The following ANKHD1 variants were observed in gnomAD, a reference collection of about 807,000 sequenced individuals.
ANKHD1 encodes ankyrin repeat and KH domain-containing protein 1.
Under a neutral mutation model 230.5 loss-of-function variants are expected in ANKHD1, and 31 were observed. That is an observed-to-expected ratio of 0.13 (90% CI 0.10 to 0.18). The LOEUF (loss-of-function observed/expected upper bound fraction) is 0.18, where lower values mean the gene tolerates loss of function less well. ANKHD1 is among the 10% of genes least tolerant of loss of function. The pLI, the probability that ANKHD1 is intolerant of heterozygous loss-of-function variation, is 1.00. For missense variants in ANKHD1, 2,256 were observed against 3,071.3 expected (o/e 0.73, Z 6.27); for synonymous variants, 1,074 against 1,117.6 (o/e 0.96, Z 0.78).
At position 140,458,782 on chromosome 5, in the gene ANKHD1, T is replaced by A; in HGVS notation, c.1400T>A (p.Val467Asp). Residue 467 changes from valine (V) to aspartate (D), a missense_variant, in exon 8 of 34, where the codon GTT becomes GAT. Physicochemically the swap from Val to Asp is radical, Grantham distance 152. This residue lies in a region of ANKHD1 where 179 missense variants were observed against 261.8 expected (regional missense o/e 0.68). Transcript: ENST00000360839. ...LIERGANLEE[V>D]NDEGYTPLME... ...GAAAGGGGAGCAAATCTTGAAGAAG[T>A]TAATGATGAAGGATACACTCCCTTG... 6.2e-7 allele frequency: 1 copy of A among 1,612,804 alleles called. No homozygotes were observed. Among genetic ancestry groups the A allele is most frequent in the Non-Finnish European group, 8.5e-7 (1 of 1,179,654 alleles).
In ANKHD1 at chr5:140,529,540, G is replaced by C. The variant is rs1753726300; in HGVS notation, c.6594G>C (p.Lys2198Asn). 1 of 1,614,054 alleles carries C rather than the reference G, an allele frequency of 6.2e-7. No individual in the cohort carries two copies. Among genetic ancestry groups the C allele is most frequent in the Non-Finnish European group, 8.5e-7 (1 of 1,180,040 alleles). Reference sequence around the variant, plus strand: ...AGATGCACATAAACCCAGCAAATAAGTCTTTGCCACCTACATTTGGCCCAG... The same window carrying C: ...AGATGCACATAAACCCAGCAAATAACTCTTTGCCACCTACATTTGGCCCAG... ...GSQMHINPAN[K>N]SLPPTFGPAT... is the part of the protein sequence containing the mutation. The change falls in exon 29 of 34, where the codon AAG becomes AAC. Residue 2198 changes from lysine to asparagine, a missense_variant. By Grantham distance (94) the Lys-to-Asn change is moderately conservative. This residue lies in a region of ANKHD1 where 778 missense variants were observed against 966.5 expected (regional missense o/e 0.80). Transcript: ENST00000360839.
In ANKHD1 at chr5:140,506,681, T is replaced by C. The variant is rs1439309888; in HGVS notation, c.3409-154T>C. On this transcript the variant is annotated intron_variant, in intron 18 of 33. Coordinates refer to ENST00000360839, the MANE Select transcript of ANKHD1 (RefSeq NM_017747.3). The surrounding 1 kb of genome is among the most constrained non-coding windows in gnomAD (Gnocchi z 4.7). ...CCTGAAATTGAATCCATTTCTCTAGTGTTGATATTTCAATATTTAGGGTCT... is the reference window on the plus strand; with the variant it reads ...CCTGAAATTGAATCCATTTCTCTAGCGTTGATATTTCAATATTTAGGGTCT... Among the ~76,000 whole-genome samples the C allele has an allele frequency of 2.0e-5, 3 of 152,212 alleles. No individual in the cohort carries two copies. Among genetic ancestry groups the C allele is most frequent in the Non-Finnish European group, 2.9e-5 (2 of 68,036 alleles).
intron 1 of ANKHD1, among the ~76,000 whole-genome samples, chr5:140,407,210 G>T (rs1770535266): frequency 6.8e-6 from 1 of 146,188 alleles, no homozygotes; most frequent in Non-Finnish European, 1.5e-5. Context: ...CAGGAGAATT[G>T]CTTGAACCTG....
chr5:140,487,755 A>T (rs1322871382), intron 14 of ANKHD1, among the ~76,000 whole-genome samples: 1 of 152,216 alleles, frequency 6.6e-6, no homozygotes, highest in East Asian at 1.9e-4. Context: ...AAATAAAGAA[A>T]ATAGTTAATA....
intron 30 of ANKHD1, chr5:140,537,002 C>T (rs528976885): frequency 6.8e-6 from 1 of 146,638 alleles, no homozygotes; most frequent in African/African-American, 2.6e-5. Context: ...GCCTGGGCAA[C>T]AAGAGCGGAA....
chr5:140,436,241 A>G lies in ANKHD1; in HGVS notation c.444A>G (p.Ala148=), dbSNP rs765408764. ...VDPETQARLE[A]LLEAAGIGKL... ...CAGAGACACAGGCACGACTAGAAGC[A>G]TTGCTAGAAGCAGCAGGTACTTTAT... Residue 148 remains alanine (A), a synonymous_variant, in exon 2 of 34, where the codon GCA becomes GCG. Coordinates refer to ENST00000360839, the MANE Select transcript of ANKHD1 (RefSeq NM_017747.3). 14 of 1,576,426 alleles carry G rather than the reference A, an allele frequency of 8.9e-6. No individual in the cohort carries two copies. In the Admixed American group the frequency reaches 1.4e-4, roughly 15 times the overall value.
intron 13 of ANKHD1, 71 bp from the exon 14 acceptor site, chr5:140,486,887 A>C: frequency 2.8e-4 from 366 of 1,328,454 alleles, no homozygotes; most frequent in Non-Finnish European, 3.4e-4. Flanking sequence ...AAAACAGGAT[A>C]TCTGTTTCAT....
chr5:140,448,870 G>C (rs1243059120), intron 6 of ANKHD1, among the ~76,000 whole-genome samples: 1 of 152,128 alleles, frequency 6.6e-6, no homozygotes, highest in Non-Finnish European at 1.5e-5. Context: ...TGGAATATAT[G>C]ATGCCAAGAT....
At chr5:140,447,072 C>G (rs1774339974) in intron 6 of ANKHD1, among the ~76,000 whole-genome samples, 1 of 151,966 alleles carries the variant, frequency 6.6e-6, no homozygotes, top group South Asian at 2.1e-4. Flanking sequence ...ACATGTCTGG[C>G]TAATTTTTGT....
Position 140,527,529 on chromosome 5 carries a change from CATT to C in ANKHD1, c.5088-340_5088-338del, listed in dbSNP as rs1440792844. 1 of 208,678 alleles carries C rather than the reference CATT, an allele frequency of 4.8e-6. No homozygotes were observed. The highest frequency in any genetic ancestry group is 5.5e-5 in the Admixed American group (1 of 18,250). The allele number at this position is 208,678 out of a possible 1,614,324, so 12.9% of individuals were successfully genotyped here. A position where few individuals can be genotyped will look rare whatever the true frequency, so the allele number is the denominator to read the frequency against. On this transcript the variant is annotated intron_variant, in intron 27 of 33. Coordinates refer to ENST00000360839, the MANE Select transcript of ANKHD1 (RefSeq NM_017747.3). This position sits in a 1 kb window ranked among gnomAD's most constrained non-coding sequence, Gnocchi z 4.5. ...GTGTGGATTTTAATAATATGGTATTCATTATTTTAACAGGGTCATTGCAGTTTA... is the reference window on the plus strand; with the variant it reads ...GTGTGGATTTTAATAATATGGTATTCATTTTAACAGGGTCATTGCAGTTTA...
intron 14 of ANKHD1, 44 bp downstream of exon 14, chr5:140,487,104 C>T (rs1433457754): frequency 6.4e-7 from 1 of 1,568,948 alleles, no homozygotes; most frequent in Non-Finnish European, 8.7e-7. Flanking sequence ...ATTTTTTCAC[C>T]TAATTGATAA....
At chr5:140,427,046 G>A (rs1473255235) in intron 1 of ANKHD1, among the ~76,000 whole-genome samples, 3 of 152,202 alleles carry the variant, frequency 2.0e-5, no homozygotes, top group South Asian at 2.1e-4. Context: ...CCTCCCAGAC[G>A]GGGTGGTGGC....
Position 140,401,914 on chromosome 5 carries a change from C to T in ANKHD1, c.-54C>T, listed in dbSNP as rs1307860849. 3.3e-6 allele frequency: 5 copies of T among 1,519,302 alleles called. No individual in the cohort carries two copies. The highest frequency in any genetic ancestry group is 2.6e-5 in the South Asian group (2 of 77,568). The allele number at this position is 1,519,302 out of a possible 1,614,324, so 94.1% of individuals were successfully genotyped here. The stretch of plus-strand genomic sequence containing the variant: ...CTGCTCTTCTCGTTCCCGAGATCAG[C>T]GGCGGCGGTGACCGCGAGTGGGTCG... On this transcript the variant is annotated 5_prime_UTR_variant, in exon 1 of 34. Coordinates refer to ENST00000360839, the MANE Select transcript of ANKHD1 (RefSeq NM_017747.3).
intron 1 of ANKHD1, among the ~76,000 whole-genome samples, chr5:140,415,168 G>A (rs1771260649): frequency 6.6e-6 from 1 of 151,882 alleles, no homozygotes; most frequent in African/African-American, 2.4e-5. Flanking sequence ...CCGATCACAA[G>A]GTCAGGAGTT....
At chr5:140,461,344 C>T (rs936159359) in intron 9 of ANKHD1, among the ~76,000 whole-genome samples, 1 of 152,240 alleles carries the variant, frequency 6.6e-6, no homozygotes, top group Middle Eastern at 3.4e-3. Context: ...GTATGTAGCT[C>T]GTAGAAACTA....
In ANKHD1 at chr5:140,528,733, T is replaced by C. The variant is rs771685576; in HGVS notation, c.5787T>C (p.Ala1929=). ...TACCCTCAGAGTCTGCTGGACTAGC[T>C]ACTGCCAGTTGTCCTATCACTGTCT... ...TVLPSESAGL[A]TASCPITVSS... The change falls in exon 29 of 34, where the codon GCT becomes GCC. Residue 1929 remains alanine (A), a synonymous_variant. Coordinates refer to ENST00000360839, the MANE Select transcript of ANKHD1 (RefSeq NM_017747.3). The C allele has an allele frequency of 6.2e-7, 1 of 1,614,236 alleles. No homozygotes were observed. The highest frequency in any genetic ancestry group is 1.1e-5 in the South Asian group (1 of 91,086).
intron 1 of ANKHD1, among the ~76,000 whole-genome samples, chr5:140,427,263 C>T (rs1376099856): frequency 4.9e-5 from 7 of 142,638 alleles, no homozygotes; most frequent in Non-Finnish European, 3.1e-5. Flanking sequence ...GGTGGCTGGC[C>T]GGGCGGGGGG....
chr5:140,529,209 A>T lies in ANKHD1; in HGVS notation c.6263A>T (p.Asp2088Val). 1 of 1,614,224 alleles carries T rather than the reference A, an allele frequency of 6.2e-7. No homozygotes were observed. The highest frequency in any genetic ancestry group is 8.5e-7 in the Non-Finnish European group (1 of 1,180,036). ...QEEAQPSSVS[D>V]LSPMSMPFAS... is the part of the protein sequence containing the mutation. The stretch of plus-strand genomic sequence containing the variant: ...GAGGCACAGCCATCCAGTGTGTCTG[A>T]TTTAAGTCCTATGTCAATGCCTTTT... The change falls in exon 29 of 34, where the codon GAT (aspartate) becomes GTT (valine). Residue 2088 changes from aspartate to valine, a missense_variant. Physicochemically the swap from Asp to Val is radical, Grantham distance 152. Around this residue, in one of 13 missense-constraint regions of ANKHD1, gnomAD observed 778 missense variants for 966.5 expected, o/e 0.80. Transcript: ENST00000360839.
At chr5:140,440,631 A>G (rs944109274) in intron 4 of ANKHD1, among the ~76,000 whole-genome samples, 4 of 152,086 alleles carry the variant, frequency 2.6e-5, no homozygotes, top group Non-Finnish European at 4.4e-5. Flanking sequence ...TTTTCCTTCT[A>G]TGTTAGAACA....
Sources: allele counts gnomAD v4.1 joint callset (sites outside exome capture counted in the v4.1 genomes callset), GRCh38; gene constraint gnomAD v4.1.1; regional missense constraint gnomAD v4.1.1; non-coding constraint Gnocchi (gnomAD v3.1); transcripts MANE v1.5; gene names NCBI Gene and HGNC (gene_info 2026-07-23, HGNC 2026-07-21).